The following GALNTL6 variants were observed in gnomAD, a reference collection of about 807,000 sequenced individuals.
GALNTL6 encodes polypeptide N-acetylgalactosaminyltransferase like 6.
In GALNTL6, 46 loss-of-function variants were observed where a neutral mutation model predicts 73.7. The ratio of observed to expected loss-of-function variants is 0.62; its 90% confidence interval spans 0.49 to 0.80. The LOEUF (loss-of-function observed/expected upper bound fraction) is 0.80. GALNTL6 is among the 30% of genes least tolerant of loss of function. GALNTL6 has a pLI of 0.00. For missense variants in GALNTL6, 604 were observed against 755.0 expected, an observed-to-expected ratio of 0.80 and a Z score of 2.34; for synonymous variants, 259 against 263.7, an observed-to-expected ratio of 0.98 and a Z score of 0.17.
chr4:172,750,743 CAAAA>C (rs1737376463), intron 5 of GALNTL6, among the ~76,000 whole-genome samples: 1 of 152,138 alleles, frequency 6.6e-6, no homozygotes, highest in Non-Finnish European at 1.5e-5. Context: ...TTGGAAAACT[CAAAA>C]GAAGAAGGAA....
At chr4:172,959,655 C>T (rs1471209840) in intron 10 of GALNTL6, among the ~76,000 whole-genome samples, 2 of 151,968 alleles carry the variant, frequency 1.3e-5, no homozygotes, top group African/African-American at 4.8e-5. Context: ...CTGAGAAGAT[C>T]TGGGAAGGAG....
At chr4:171,879,601 A>C (rs189667017) in intron 2 of GALNTL6, among the ~76,000 whole-genome samples, 5 of 152,226 alleles carry the variant, frequency 3.3e-5, no homozygotes, top group Non-Finnish European at 7.4e-5. Context: ...CAATAAACAA[A>C]CAACCAATAT....
chr4:172,065,021 G>C (rs928567568), intron 2 of GALNTL6, among the ~76,000 whole-genome samples: 2 of 152,020 alleles, frequency 1.3e-5, no homozygotes, highest in Non-Finnish European at 2.9e-5. Context: ...CATCATTTGA[G>C]TTTTATTAGT....
At chr4:172,621,486 T>C (rs1421840592) in intron 5 of GALNTL6, among the ~76,000 whole-genome samples, 1 of 152,214 alleles carries the variant, frequency 6.6e-6, no homozygotes, top group East Asian at 1.9e-4. Flanking sequence ...AATTCTGTTA[T>C]CAACAATTAA....
chr4:172,712,726 A>T (rs769275112), intron 5 of GALNTL6, among the ~76,000 whole-genome samples: 46 of 152,202 alleles, frequency 3.0e-4, no homozygotes, highest in Non-Finnish European at 3.7e-4. Context: ...AATGAGTTAC[A>T]TTATGTATGC....
At chr4:171,854,818 C>A (rs1472932956) in intron 2 of GALNTL6, among the ~76,000 whole-genome samples, 6 of 152,136 alleles carry the variant, frequency 3.9e-5, no homozygotes, top group African/African-American at 1.2e-4. Context: ...GGACTAATTA[C>A]CTCTCAAAGG....
At chr4:172,398,145 C>A (rs1743915819) in intron 5 of GALNTL6, among the ~76,000 whole-genome samples, 1 of 152,042 alleles carries the variant, frequency 6.6e-6, no homozygotes, top group Admixed American at 6.6e-5. Context: ...TAACAAAATT[C>A]TAGCTGTCAA....
At chr4:172,413,116 G>A (rs539388572) in intron 5 of GALNTL6, among the ~76,000 whole-genome samples, 2 of 152,272 alleles carry the variant, frequency 1.3e-5, no homozygotes, top group African/African-American at 2.4e-5. Flanking sequence ...ATTCATAGCC[G>A]AGTCAAACTG....
intron 8 of GALNTL6, among the ~76,000 whole-genome samples, chr4:172,894,690 C>T (rs1746225586): frequency 6.6e-6 from 1 of 151,958 alleles, no homozygotes; most frequent in Non-Finnish European, 1.5e-5. Context: ...TCTGTTAGGT[C>T]CATTTGTTCT....
chr4:172,082,791 G>C (rs893593409), intron 2 of GALNTL6, among the ~76,000 whole-genome samples: 3 of 152,180 alleles, frequency 2.0e-5, no homozygotes, highest in African/African-American at 7.2e-5. Context: ...GGACTAGGTT[G>C]GGTTGAGGAT....
intron 5 of GALNTL6, among the ~76,000 whole-genome samples, chr4:172,437,462 A>G (rs977035079): frequency 2.0e-5 from 3 of 152,074 alleles, no homozygotes; most frequent in Non-Finnish European, 4.4e-5. Flanking sequence ...AGAAATTTTT[A>G]TCTCACCCCC....
intron 4 of GALNTL6, among the ~76,000 whole-genome samples, chr4:172,334,423 C>A (rs1403522108): frequency 6.6e-6 from 1 of 152,156 alleles, no homozygotes; most frequent in African/African-American, 2.4e-5. Flanking sequence ...CAGTTTATTT[C>A]ATCAGTGTTT....
chr4:171,998,171 A>G (rs1201946492), intron 2 of GALNTL6, among the ~76,000 whole-genome samples: 2 of 152,130 alleles, frequency 1.3e-5, no homozygotes, highest in Non-Finnish European at 2.9e-5. Context: ...CATAACTTTA[A>G]TTGTCACTCA....
intron 3 of GALNTL6, among the ~76,000 whole-genome samples, chr4:172,292,758 T>C (rs1739518746): frequency 6.6e-6 from 1 of 152,150 alleles, no homozygotes. Flanking sequence ...ACTGGTGAAT[T>C]TGGATTTATT....
At chr4:172,687,185 T>C (rs1732966603) in intron 5 of GALNTL6, among the ~76,000 whole-genome samples, 1 of 152,192 alleles carries the variant, frequency 6.6e-6, no homozygotes, top group Non-Finnish European at 1.5e-5. Flanking sequence ...GGATCTGTAT[T>C]TCACAAATTT....
At chr4:171,929,352 G>A (rs55819738) in intron 2 of GALNTL6, among the ~76,000 whole-genome samples, 35,410 of 152,060 alleles carry the variant, frequency 0.23, 4,292 homozygotes, top group Middle Eastern at 0.29. Context: ...GATTTTAGAC[G>A]TGAGCCTCCA....
intron 2 of GALNTL6, among the ~76,000 whole-genome samples, chr4:172,074,932 T>C (rs1215223987): frequency 6.6e-6 from 1 of 152,206 alleles, no homozygotes; most frequent in African/African-American, 2.4e-5. Context: ...TAATGGTACT[T>C]TTGGAAAACT....
At chr4:172,857,323 C>G (rs1457652031) in intron 7 of GALNTL6, among the ~76,000 whole-genome samples, 1 of 152,170 alleles carries the variant, frequency 6.6e-6, no homozygotes, top group African/African-American at 2.4e-5. Flanking sequence ...AGGATGGTCT[C>G]ATCTTCAGCT....
At position 172,175,447 on chromosome 4, in the gene GALNTL6, G is replaced by A. The variant is rs1734959718; in HGVS notation, c.139-54209G>A. Among the ~76,000 whole-genome samples the A allele has an allele frequency of 2.0e-5, 3 of 152,262 alleles. No individual in the cohort carries two copies. The South Asian group carries it at 6.2e-4, about 32-fold the overall frequency. ...TTAGCATTTGAGGAAGCACGTAAGG[G>A]ATTTGTGTGATTGTGAGATGGAAAT... On this transcript the variant is annotated intron_variant, in intron 2 of 12. Coordinates refer to ENST00000506823, the MANE Select transcript of GALNTL6 (RefSeq NM_001034845.3).
Sources: gnomAD v4.1 joint callset for allele counts (sites outside exome capture counted in the v4.1 genomes callset) on GRCh38, gnomAD v4.1.1 for gene constraint, MANE v1.5 for transcripts, NCBI Gene and HGNC (gene_info 2026-07-23, HGNC 2026-07-21) for gene names.